The following PARD3B variants were observed in gnomAD, a reference collection of about 807,000 sequenced individuals.
The protein encoded by PARD3B is partitioning defective 3 homolog B.
A neutral mutation model predicts 130.2 loss-of-function variants in PARD3B; 103 were observed. The ratio of observed to expected loss-of-function variants is 0.79; its 90% CI spans 0.67 to 0.93. PARD3B has a LOEUF of 0.93. Ranked by LOEUF, PARD3B falls within the 40% of genes least tolerant of loss-of-function variation. The pLI is 0.00. For synonymous variants in PARD3B, 583 were observed against 553.2 expected (o/e 1.05, Z -0.76); for missense variants, 1,609 against 1,499.2 (o/e 1.07, Z -1.21).
At chr2:204,615,331 T>C (rs1284950333) in intron 1 of PARD3B, among the ~76,000 whole-genome samples, 2 of 152,188 alleles carry the variant, frequency 1.3e-5, no homozygotes, top group Admixed American at 6.6e-5. Context: ...CACATTAAAA[T>C]CCATTTGTCT....
In PARD3B at chr2:205,229,750, C is replaced by G. The variant is rs1056126238; in HGVS notation, c.2141-16028C>G. 1.3e-5 allele frequency among the ~76,000 whole-genome samples: 2 copies of G among 152,092 alleles called. No homozygotes were observed. The highest frequency in any genetic ancestry group is 4.8e-5 in the African/African-American group (2 of 41,430). On this transcript the variant is annotated intron_variant, in intron 15 of 22. Coordinates refer to ENST00000406610, the MANE Select transcript of PARD3B (RefSeq NM_001302769.2). The surrounding 1 kb of genome is among the most constrained non-coding windows in gnomAD (Gnocchi z 5.2). ...CAGGCTTGTGTCCTTCCCTTCAGGA[C>G]AGCAAGGTCCCCCTGGCCTCGAGTG...
intron 4 of PARD3B, among the ~76,000 whole-genome samples, chr2:205,062,334 A>G (rs1161791212): frequency 6.6e-6 from 1 of 152,164 alleles, no homozygotes; most frequent in Non-Finnish European, 1.5e-5. Context: ...GACATGAGTC[A>G]CAGAGAGCAC....
At chr2:204,745,010 G>T (rs2040157193) in intron 2 of PARD3B, among the ~76,000 whole-genome samples, 1 of 152,124 alleles carries the variant, frequency 6.6e-6, no homozygotes, top group South Asian at 2.1e-4. Flanking sequence ...TCATTGTGGG[G>T]TCCTATCTGA....
intron 6 of PARD3B, among the ~76,000 whole-genome samples, chr2:205,117,020 T>A (rs1269638585): frequency 6.6e-6 from 1 of 152,150 alleles, no homozygotes; most frequent in Non-Finnish European, 1.5e-5. Context: ...ATGTACTGAA[T>A]TAAATTAAAG....
intron 2 of PARD3B, among the ~76,000 whole-genome samples, chr2:204,715,681 A>G (rs960875997): frequency 1.3e-5 from 2 of 152,148 alleles, no homozygotes; most frequent in African/African-American, 2.4e-5. Context: ...ATAGAAGAGA[A>G]AAGTTTGGGG....
In PARD3B at chr2:205,241,448, A is replaced by C. The variant is rs2125913626; in HGVS notation, c.2141-4330A>C. Among the ~76,000 whole-genome samples, 1 of 152,284 alleles carries C rather than the reference A, an allele frequency of 6.6e-6. No individual in the cohort carries two copies. The highest frequency in any genetic ancestry group is 2.1e-4 in the South Asian group (1 of 4,828). ...ATATTTATGAATTGCAGCTTCAGAA[A>C]CCTGAGCATTTCATTGGTATCTCTT... On this transcript the variant is annotated intron_variant, in intron 15 of 22. Coordinates refer to ENST00000406610, the MANE Select transcript of PARD3B (RefSeq NM_001302769.2). This position sits in a 1 kb window ranked among gnomAD's most constrained non-coding sequence, Gnocchi z 4.2.
chr2:205,279,613 G>A (rs1198565415), intron 16 of PARD3B, among the ~76,000 whole-genome samples: 2 of 151,970 alleles, frequency 1.3e-5, no homozygotes, highest in Admixed American at 6.6e-5. Flanking sequence ...CCTTAGAATC[G>A]CCTCTGTGCA....
At chr2:205,247,841 C>T (rs778115290) in intron 16 of PARD3B, among the ~76,000 whole-genome samples, 18 of 152,150 alleles carry the variant, frequency 1.2e-4, no homozygotes, top group Non-Finnish European at 2.5e-4. Context: ...TCTGAGAAAG[C>T]ACAGAGCAGC....
intron 3 of PARD3B, among the ~76,000 whole-genome samples, chr2:204,989,877 A>C (rs931290576): frequency 2.0e-5 from 3 of 152,088 alleles, no homozygotes; most frequent in Non-Finnish European, 2.9e-5. Context: ...ATGCAGCATA[A>C]CTATAAACCA....
At chr2:205,150,371 A>C (rs893038933) in intron 10 of PARD3B, among the ~76,000 whole-genome samples, 4 of 152,016 alleles carry the variant, frequency 2.6e-5, no homozygotes, top group African/African-American at 9.7e-5. Flanking sequence ...AAGGTCTGGC[A>C]TTTAGGGCAC....
At chr2:204,884,864 C>T (rs1327938116) in intron 2 of PARD3B, among the ~76,000 whole-genome samples, 3 of 152,134 alleles carry the variant, frequency 2.0e-5, no homozygotes, top group African/African-American at 7.2e-5. Context: ...ACCATATTTT[C>T]TTTATCCAGT....
At chr2:205,016,216 T>C (rs1354697028) in intron 3 of PARD3B, among the ~76,000 whole-genome samples, 4 of 152,240 alleles carry the variant, frequency 2.6e-5, no homozygotes, top group Non-Finnish European at 4.4e-5. Context: ...CTAAGTCAGA[T>C]TGTGGGACTT....
chr2:204,778,968 C>T (rs1004891129), intron 2 of PARD3B, among the ~76,000 whole-genome samples: 1 of 152,128 alleles, frequency 6.6e-6, no homozygotes, highest in Non-Finnish European at 1.5e-5. Context: ...TTGGGCACTG[C>T]CTGCCGCCTC....
intron 1 of PARD3B, among the ~76,000 whole-genome samples, chr2:204,635,871 G>A (rs1286026198): frequency 2.0e-5 from 3 of 152,106 alleles, no homozygotes; most frequent in African/African-American, 7.2e-5. Context: ...AAAATAATGT[G>A]ATAGTCTTTG....
At chr2:205,605,527 G>T (rs1322434037) in intron 22 of PARD3B, among the ~76,000 whole-genome samples, 1 of 152,104 alleles carries the variant, frequency 6.6e-6, no homozygotes, top group Non-Finnish European at 1.5e-5. Context: ...TTCTGTAGGG[G>T]TCCTCTCCAG....
intron 2 of PARD3B, among the ~76,000 whole-genome samples, chr2:204,852,440 G>A (rs1425503069): frequency 6.6e-6 from 1 of 152,008 alleles, no homozygotes; most frequent in African/African-American, 2.4e-5. Context: ...TTGGCCAATA[G>A]TTTAAATGTT....
At chr2:204,922,640 G>T (rs1035767189) in intron 2 of PARD3B, among the ~76,000 whole-genome samples, 1 of 151,884 alleles carries the variant, frequency 6.6e-6, no homozygotes, top group African/African-American at 2.4e-5. Flanking sequence ...GAAGACCATT[G>T]GGATTGTAGC....
intron 20 of PARD3B, among the ~76,000 whole-genome samples, chr2:205,484,071 C>T (rs554648069): frequency 4.6e-5 from 7 of 152,088 alleles, no homozygotes; most frequent in African/African-American, 9.7e-5. Context: ...AAAAATACCA[C>T]GGACAATATT....
At chr2:205,368,885 C>T (rs2044708577) in intron 18 of PARD3B, among the ~76,000 whole-genome samples, 1 of 151,544 alleles carries the variant, frequency 6.6e-6, no homozygotes, top group South Asian at 2.1e-4. Context: ...CACCCCATAA[C>T]GTTGAAGAGC....
Sources: gnomAD v4.1 joint callset for allele counts (sites outside exome capture counted in the v4.1 genomes callset) on GRCh38, gnomAD v4.1.1 for gene constraint, Gnocchi (gnomAD v3.1) non-coding constraint, MANE v1.5 for transcripts, NCBI Gene and HGNC (gene_info 2026-07-23, HGNC 2026-07-21) for gene names.